CDK6: variants seen among roughly 807,000 people sequenced by gnomAD.
CDK6 encodes cyclin dependent kinase 6.
Under a neutral mutation model 37.1 loss-of-function variants are expected in CDK6, and 6 were observed. That is an observed-to-expected ratio of 0.16 (90% CI 0.09 to 0.32). CDK6 has a LOEUF of 0.32. Among genes scored for constraint, CDK6 ranks in the 10% least tolerant of loss-of-function variants. The probability of loss-of-function intolerance (pLI) is 1.00; values close to 1 mark genes in which losing one functional copy is unlikely to be tolerated. For missense variants in CDK6, 224 were observed against 418.9 expected (o/e 0.53, Z 4.06); for synonymous variants, 160 against 161.3 (o/e 0.99, Z 0.06).
chr7:92,807,634 C>T (rs1007011510), intron 2 of CDK6, among the ~76,000 whole-genome samples: 2 of 151,686 alleles, frequency 1.3e-5, no homozygotes, highest in Non-Finnish European at 1.5e-5. Flanking sequence ...CCTAAACTTC[C>T]TGCTTGCCCT....
chr7:92,654,250 G>A (rs896719819), intron 5 of CDK6, among the ~76,000 whole-genome samples: 5 of 149,036 alleles, frequency 3.4e-5, no homozygotes, highest in African/African-American at 5.0e-5. Flanking sequence ...TCAGTCTACT[G>A]ACTTTTAGAA....
intron 6 of CDK6, among the ~76,000 whole-genome samples, chr7:92,622,825 A>G (rs1231023436): frequency 1.3e-5 from 2 of 152,102 alleles, no homozygotes; most frequent in Admixed American, 6.6e-5. Flanking sequence ...CACAAGCAAC[A>G]TACAAGCTTC....
intron 3 of CDK6, among the ~76,000 whole-genome samples, chr7:92,737,566 T>C (rs1313929203): frequency 2.0e-5 from 3 of 152,206 alleles, no homozygotes; most frequent in Non-Finnish European, 4.4e-5. Context: ...AACCGGATAC[T>C]ATAAGCATGA....
intron 1 of CDK6, 126 bp downstream of exon 1, chr7:92,836,352 C>T (rs888259386): frequency 6.7e-6 from 1 of 149,838 alleles, no homozygotes. Flanking sequence ...ACACAGGTCC[C>T]CCCCACCCCC....
intron 5 of CDK6, among the ~76,000 whole-genome samples, chr7:92,658,581 T>TTCTCTCTCTC (rs3839839): frequency 6.8e-6 from 1 of 146,440 alleles, no homozygotes; most frequent in Non-Finnish European, 1.5e-5. Context: ...CTCTCTCTCT[T>TTCTCTCTCTC]TCTCTCTCTC....
intron 3 of CDK6, among the ~76,000 whole-genome samples, chr7:92,726,987 T>C (rs1027879835): frequency 6.6e-5 from 10 of 152,204 alleles, no homozygotes; most frequent in Non-Finnish European, 1.0e-4. Context: ...TTAACCAGTA[T>C]GGAGGAGCGG....
At chr7:92,776,630 T>C (rs1202141951) in intron 2 of CDK6, among the ~76,000 whole-genome samples, 3 of 152,256 alleles carry the variant, frequency 2.0e-5, no homozygotes, top group African/African-American at 7.2e-5. Flanking sequence ...CATCTCATTG[T>C]GGTTTTGATT....
At chr7:92,818,445 A>G (rs940944301) in intron 2 of CDK6, among the ~76,000 whole-genome samples, 11 of 152,024 alleles carry the variant, frequency 7.2e-5, no homozygotes, top group African/African-American at 2.7e-4. Flanking sequence ...CAAAGACTTG[A>G]CTTGAATGCA....
At chr7:92,681,092 C>A (rs781757782) in intron 4 of CDK6, among the ~76,000 whole-genome samples, 1 of 152,170 alleles carries the variant, frequency 6.6e-6, no homozygotes, top group Non-Finnish European at 1.5e-5. Flanking sequence ...ATCACCTAGA[C>A]TGGAGAATAT....
chr7:92,631,066 A>T (rs76230393), intron 5 of CDK6, among the ~76,000 whole-genome samples: 6,787 of 152,264 alleles, frequency 0.045, 185 homozygotes, highest in Non-Finnish European at 0.059. Flanking sequence ...CACAACTCCC[A>T]GTCTTGCTTT....
At chr7:92,792,995 TA>T (rs1355105867) in intron 2 of CDK6, among the ~76,000 whole-genome samples, 3 of 151,510 alleles carry the variant, frequency 2.0e-5, no homozygotes, top group African/African-American at 7.3e-5. Flanking sequence ...TCAAGGGAAT[TA>T]AAAAAAATTC....
At chr7:92,706,201 C>G (rs549982579) in intron 4 of CDK6, among the ~76,000 whole-genome samples, 174 of 152,288 alleles carry the variant, frequency 1.1e-3, no homozygotes, top group African/African-American at 4.1e-3. Context: ...AGGAAGTGAT[C>G]GGTGGAATAC....
At chr7:92,738,576 T>C (rs934493397) in intron 3 of CDK6, among the ~76,000 whole-genome samples, 4 of 151,114 alleles carry the variant, frequency 2.6e-5, no homozygotes, top group African/African-American at 4.9e-5. Flanking sequence ...GAGGTGGAGG[T>C]TGCAGTGAGC....
At chr7:92,621,802 G>A (rs1396736774) in intron 6 of CDK6, among the ~76,000 whole-genome samples, 2 of 152,102 alleles carry the variant, frequency 1.3e-5, no homozygotes, top group Admixed American at 1.3e-4. Flanking sequence ...CTGGACCCAG[G>A]AAGCCCCCAG....
rs374625919 is a variant in CDK6, at chr7:92,809,402, T to C, written c.233+23689A>G. On this transcript the variant is annotated intron_variant, in intron 2 of 7. Coordinates refer to ENST00000424848, the MANE Select transcript of CDK6 (RefSeq NM_001145306.2). ...CTGGTTTCACTCATGGTAGACCTAT[T>C]CTGGACCATTCAGAAAGTGATGAGG... Among the ~76,000 whole-genome samples the C allele has an allele frequency of 1.3e-3, 200 of 152,340 alleles. 1 individual carries two copies. Among genetic ancestry groups the C allele is most frequent in the African/African-American group, 4.2e-3 (173 of 41,576 alleles).
chr7:92,617,927 G>A, intron 7 of CDK6, 145 bp downstream of exon 7: 1 of 651,038 alleles, frequency 1.5e-6, no homozygotes, highest in Non-Finnish European at 2.5e-6. Flanking sequence ...ACCTCTGGAG[G>A]GACTGTTGCC....
At chr7:92,745,806 T>C (rs1375972878) in intron 3 of CDK6, among the ~76,000 whole-genome samples, 1 of 152,202 alleles carries the variant, frequency 6.6e-6, no homozygotes, top group African/African-American at 2.4e-5. Flanking sequence ...ACTATATTTA[T>C]CAATCCAGCC....
intron 2 of CDK6, among the ~76,000 whole-genome samples, chr7:92,824,854 A>G (rs886599095): frequency 1.3e-5 from 2 of 152,088 alleles, no homozygotes; most frequent in South Asian, 2.1e-4. Flanking sequence ...AGTAATTTCT[A>G]TTTTTATTGT....
chr7:92,759,704 AAAAAAAAAAAAAG>A (rs1672413541), intron 3 of CDK6, among the ~76,000 whole-genome samples: 1 of 150,426 alleles, frequency 6.6e-6, no homozygotes, highest in Admixed American at 6.6e-5. Flanking sequence ...AGGCAAAAAA[AAAAAAAAAAAAAG>A]AAAAAAGAAA....
Sources: gnomAD v4.1 joint callset for allele counts (sites outside exome capture counted in the v4.1 genomes callset) on GRCh38, gnomAD v4.1.1 for gene constraint, MANE v1.5 for transcripts, NCBI Gene and HGNC (gene_info 2026-07-23, HGNC 2026-07-21) for gene names.